LETM1: variants seen among roughly 807,000 people sequenced by gnomAD.
LETM1 encodes leucine zipper and EF-hand containing transmembrane protein 1, also known as mitochondrial proton/calcium exchanger protein.
In LETM1, 50 loss-of-function variants were observed where a neutral mutation model predicts 74.5. The ratio of observed to expected loss-of-function variants is 0.67; its 90% confidence interval spans 0.53 to 0.85. The LOEUF (loss-of-function observed/expected upper bound fraction) is 0.85, where lower values mean the gene tolerates loss of function less well. Ranked by LOEUF, LETM1 falls within the 40% of genes least tolerant of loss-of-function variation. LETM1 has a pLI of 0.00. For synonymous variants in LETM1, 446 were observed against 407.1 expected (o/e 1.10, Z -1.15); for missense variants, 824 against 967.8 (o/e 0.85, Z 1.97).
At chr4:1,853,667 G>C (rs775446292) in intron 1 of LETM1, among the ~76,000 whole-genome samples, 3 of 152,178 alleles carry the variant, frequency 2.0e-5, no homozygotes, top group African/African-American at 7.2e-5. Context: ...AATGGAGAAC[G>C]GGAGAGTAAA....
intron 6 of LETM1, among the ~76,000 whole-genome samples, chr4:1,827,271 G>GTTT (rs1282991357): frequency 7.4e-6 from 1 of 135,190 alleles, no homozygotes; most frequent in Admixed American, 7.1e-5. Context: ...TGGATTGACA[G>GTTT]TTCTTTTTTT....
intron 6 of LETM1, among the ~76,000 whole-genome samples, chr4:1,826,530 C>T (rs534969394): frequency 5.1e-4 from 77 of 152,364 alleles, no homozygotes; most frequent in African/African-American, 1.7e-3. Flanking sequence ...CGTTCACAGA[C>T]GCGCTTGTCT....
At chr4:1,853,431 G>T (rs1380128265) in intron 1 of LETM1, among the ~76,000 whole-genome samples, 6 of 152,200 alleles carry the variant, frequency 3.9e-5, no homozygotes, top group Non-Finnish European at 7.3e-5. Context: ...ATGGAGCCTC[G>T]GCGGGATATG....
In LETM1 at chr4:1,836,456, T is replaced by C. The variant is rs2108848546; in HGVS notation, c.711A>G (p.Pro237=). The C allele has an allele frequency of 6.2e-7, 1 of 1,613,768 alleles. No individual in the cohort carries two copies. Among genetic ancestry groups the C allele is most frequent in the Non-Finnish European group, 8.5e-7 (1 of 1,179,912 alleles). ...TGAGTGACTGAGTCTCAAATGTGGA[T>C]GGCAACATGTTGGGGAAGAGCTTCA... ...VAVKLFPNML[P]STFETQSLKE... The change falls in exon 4 of 14, where the codon CCA becomes CCG. Residue 237 remains proline (P), a synonymous_variant. Coordinates refer to ENST00000302787, the MANE Select transcript of LETM1 (RefSeq NM_012318.3). This position sits in a 1 kb window ranked among gnomAD's most constrained non-coding sequence, Gnocchi z 5.8.
intron 3 of LETM1, among the ~76,000 whole-genome samples, chr4:1,838,827 T>C (rs1712579483): frequency 6.6e-6 from 1 of 152,272 alleles, no homozygotes; most frequent in African/African-American, 2.4e-5. Context: ...GATTCCCACA[T>C]AGGGCTGCAC....
chr4:1,813,949 A>G lies in LETM1; in HGVS notation c.*475T>C, dbSNP rs897766105. On this transcript the variant is annotated 3_prime_UTR_variant, in exon 14 of 14. Coordinates refer to ENST00000302787, the MANE Select transcript of LETM1 (RefSeq NM_012318.3). ...GACAGGTCTATTGACACTGAAATCT[A>G]GAAATCAAGGTCCACAGGCGAATGG... 1 of 177,476 alleles carries G rather than the reference A, an allele frequency of 5.6e-6. No individual in the cohort carries two copies. The highest frequency in any genetic ancestry group is 2.3e-5 in the African/African-American group (1 of 42,558). 11.0% of individuals were successfully genotyped at this position (177,476 alleles called of 1,614,324 possible).
intron 7 of LETM1, 22 bp from the exon 8 acceptor site, chr4:1,823,797 G>A (rs1376177079): frequency 6.3e-7 from 1 of 1,593,054 alleles, no homozygotes; most frequent in African/African-American, 1.3e-5. Flanking sequence ...GCCAGGTTCA[G>A]CAGATGGGCA....
At chr4:1,829,807 A>T (rs1464885303) in intron 6 of LETM1, among the ~76,000 whole-genome samples, 1 of 152,244 alleles carries the variant, frequency 6.6e-6, no homozygotes, top group African/African-American at 2.4e-5. Context: ...CCTGGGCAAC[A>T]GAACAAGACA....
intron 3 of LETM1, among the ~76,000 whole-genome samples, chr4:1,839,802 C>G (rs1712621957): frequency 6.6e-6 from 1 of 152,234 alleles, no homozygotes; most frequent in African/African-American, 2.4e-5. Context: ...GTTCAAGGAG[C>G]TTCCAGAAAG....
rs377099739 is a variant in LETM1, at chr4:1,822,340, C to T, written c.1477-28G>A. On this transcript the variant is annotated intron_variant, in intron 9 of 13. Transcript: ENST00000302787. ...GAAAGGCAAGGCGACACCAGCCCAG[C>T]GCCCGCCATCACACAGAAGCAGTCT... The T allele has an allele frequency of 6.5e-5, 94 of 1,444,964 alleles. No individual in the cohort carries two copies. The Middle Eastern group carries it at 1.1e-3, about 17-fold the overall frequency. The allele number at this position is 1,444,964 out of a possible 1,614,324, so 89.5% of individuals were successfully genotyped here.
At chr4:1,847,344 CAAA>C (rs113701702) in intron 2 of LETM1, among the ~76,000 whole-genome samples, 13 of 102,404 alleles carry the variant, frequency 1.3e-4, no homozygotes, top group Admixed American at 2.0e-4. Flanking sequence ...GATCCTGTCT[CAAA>C]AAAAAAAAAA....
At chr4:1,828,442 T>C (rs1282464777) in intron 6 of LETM1, among the ~76,000 whole-genome samples, 21 of 78,148 alleles carry the variant, frequency 2.7e-4, no homozygotes, top group Non-Finnish European at 3.1e-4. Context: ...CACTTCCCAG[T>C]AGGGGCGGCC....
At chr4:1,824,102 CA>C (rs1260178073) in intron 7 of LETM1, among the ~76,000 whole-genome samples, 10 of 152,172 alleles carry the variant, frequency 6.6e-5, no homozygotes, top group Non-Finnish European at 1.5e-5. Flanking sequence ...GTGGGCGGAT[CA>C]CCTGAGGTCA....
At position 1,851,340 on chromosome 4, in the gene LETM1, G is replaced by C. The variant is rs150905414; in HGVS notation, c.83-2131C>G. Among the ~76,000 whole-genome samples, 534 of 152,250 alleles carry C rather than the reference G, an allele frequency of 3.5e-3. 25 individuals carry two copies. The East Asian group carries it at 0.092, about 26-fold the overall frequency. On this transcript the variant is annotated intron_variant, in intron 1 of 13. Coordinates refer to ENST00000302787, the MANE Select transcript of LETM1 (RefSeq NM_012318.3). ...GAGCAGCAAGTGCAGCTTTAAGATGGGGGGAGCTCACTCCAGCCGGCAACG... is the reference window on the plus strand; with the variant it reads ...GAGCAGCAAGTGCAGCTTTAAGATGCGGGGAGCTCACTCCAGCCGGCAACG...
chr4:1,825,139 G>T (rs976206491), intron 7 of LETM1, among the ~76,000 whole-genome samples: 2 of 152,192 alleles, frequency 1.3e-5, no homozygotes, highest in Admixed American at 1.3e-4. Flanking sequence ...CCAGCACAGG[G>T]CGTGGCCAAG....
intron 3 of LETM1, among the ~76,000 whole-genome samples, chr4:1,838,708 G>A (rs1257218785): frequency 6.6e-6 from 1 of 152,058 alleles, no homozygotes; most frequent in East Asian, 1.9e-4. Flanking sequence ...AAATAGTAGA[G>A]CCACAAAAAC....
intron 11 of LETM1, among the ~76,000 whole-genome samples, chr4:1,818,617 A>G (rs1441176436): frequency 1.3e-5 from 2 of 152,078 alleles, no homozygotes; most frequent in African/African-American, 4.8e-5. Context: ...CGTCTCAAAA[A>G]AAGAAAAAAA....
intron 9 of LETM1, 170 bp from the exon 10 acceptor site, chr4:1,822,482 C>T: frequency 1.5e-6 from 1 of 680,770 alleles, no homozygotes; most frequent in Non-Finnish European, 2.1e-6. Context: ...ATGCAGCTGC[C>T]AGGTCACCTG....
At chr4:1,826,986 G>A (rs975387367) in intron 6 of LETM1, among the ~76,000 whole-genome samples, 27 of 151,866 alleles carry the variant, frequency 1.8e-4, no homozygotes, top group Non-Finnish European at 3.7e-4. Flanking sequence ...CACTCGCATC[G>A]TCGCCTCCAC....
Sources: allele counts gnomAD v4.1 joint callset (sites outside exome capture counted in the v4.1 genomes callset), GRCh38; gene constraint gnomAD v4.1.1; non-coding constraint Gnocchi (gnomAD v3.1); transcripts MANE v1.5; gene names NCBI Gene and HGNC (gene_info 2026-07-23, HGNC 2026-07-21).